Variants in CLGN observed in about 807,000 individuals in gnomAD.
CLGN encodes the protein calmegin, also known as testis tissue sperm-binding protein Li 79P.
A neutral mutation model predicts 79.1 loss-of-function variants in CLGN; 62 were observed. The observed-to-expected ratio is 0.78, with a 90% CI of 0.64 to 0.97. The LOEUF is 0.97. CLGN is among the 50% of genes least tolerant of loss of function. CLGN has a pLI of 0.00. For synonymous variants in CLGN, 225 were observed against 224.7 expected, an observed-to-expected ratio of 1.00 and a Z score of -0.01; for missense variants, 647 against 715.5, an observed-to-expected ratio of 0.90 and a Z score of 1.09.
intron 1 of CLGN, among the ~76,000 whole-genome samples, chr4:140,425,918 C>T (rs1018528095): frequency 1.3e-5 from 2 of 152,046 alleles, no homozygotes; most frequent in East Asian, 1.9e-4. Flanking sequence ...CGTGAGCCAC[C>T]GCGCCGGGCC....
intron 5 of CLGN, among the ~76,000 whole-genome samples, chr4:140,402,637 ACT>A: frequency 6.6e-6 from 1 of 152,122 alleles, no homozygotes; most frequent in Admixed American, 6.5e-5. Context: ...GGAAATTTTC[ACT>A]GTTTAGTATA....
chr4:140,394,040 C>A lies in CLGN; in HGVS notation c.1151G>T (p.Gly384Val). The change falls in exon 11 of 15, where the codon GGA becomes GTA. Residue 384 changes from glycine (G) to valine (V), a missense_variant and splice_region_variant. Physicochemically the swap from Gly to Val is moderately radical, Grantham distance 109 (BLOSUM62 -3). Transcript: ENST00000325617. ...PPLVDNPNYQ[G>V]IWSPRKIPNP... ...AGGAATTTTTCGAGGACTCCAGATT[C>A]CCTGGAAGAAAAGTAATTGAAGACA... 6.2e-7 allele frequency: 1 copy of A among 1,600,234 alleles called. No individual in the cohort carries two copies. Among genetic ancestry groups the A allele is most frequent in the South Asian group, 1.1e-5 (1 of 89,676 alleles).
intron 5 of CLGN, among the ~76,000 whole-genome samples, chr4:140,402,514 A>T (rs556164569): frequency 6.6e-6 from 1 of 152,264 alleles, no homozygotes; most frequent in South Asian, 2.1e-4. Context: ...CCTAGAGTTC[A>T]TTACACCTTA....
chr4:140,413,613 C>T lies in CLGN; in HGVS notation c.-9-526G>A, dbSNP rs549678937. Among the ~76,000 whole-genome samples, 159 of 152,308 alleles carry T rather than the reference C, an allele frequency of 1.0e-3. 2 individuals carry two copies. Among genetic ancestry groups the T allele is most frequent in the South Asian group, 1.9e-3 (9 of 4,826 alleles). ...GGGTGACGGACGGCACCTGGAAAATCGGGTCACTCCCACCGGAATACTGCG... is the reference window on the plus strand; with the variant it reads ...GGGTGACGGACGGCACCTGGAAAATTGGGTCACTCCCACCGGAATACTGCG... On this transcript the variant is annotated intron_variant, in intron 1 of 14. Transcript: ENST00000325617.
Position 140,415,236 on chromosome 4 carries a change from C to G in CLGN, c.-9-2149G>C, listed in dbSNP as rs569657533. 5.3e-5 allele frequency among the ~76,000 whole-genome samples: 8 copies of G among 152,312 alleles called. No homozygotes were observed. The South Asian group carries it at 1.7e-3, about 32-fold the overall frequency. On this transcript the variant is annotated intron_variant, in intron 1 of 14. Transcript: ENST00000325617. ...GGAAAGGAACAACAGGTACCAGCTG[C>G]TGCAAAATCATGCCAAAATGTAAAG...
At chr4:140,394,178 G>A (rs1728827331) in intron 10 of CLGN, 137 bp from the exon 11 acceptor site, 2 of 612,488 alleles carry the variant, frequency 3.3e-6, no homozygotes, top group East Asian at 5.6e-5. Context: ...TAATTCATTA[G>A]TAATATACTG....
chr4:140,404,093 T>A, intron 5 of CLGN, among the ~76,000 whole-genome samples: 1 of 151,882 alleles, frequency 6.6e-6, no homozygotes, highest in East Asian at 1.9e-4. Flanking sequence ...ATTTATTTAT[T>A]TATTTTTTTT....
intron 13 of CLGN, among the ~76,000 whole-genome samples, chr4:140,391,783 A>G (rs1728777570): frequency 6.6e-6 from 1 of 151,936 alleles, no homozygotes; most frequent in Admixed American, 6.6e-5. Context: ...TTTCTTCTAT[A>G]TGATAAGCAT....
intron 1 of CLGN, among the ~76,000 whole-genome samples, chr4:140,425,622 C>CTTTTTTTT (rs60198755): frequency 5.2e-4 from 51 of 97,166 alleles, no homozygotes; most frequent in East Asian, 8.9e-4. Flanking sequence ...TTTGTAATTC[C>CTTTTTTTT]TTTTTTTTTT....
chr4:140,420,282 T>C (rs1729438380), intron 1 of CLGN, among the ~76,000 whole-genome samples: 1 of 152,176 alleles, frequency 6.6e-6, no homozygotes, highest in South Asian at 2.1e-4. Flanking sequence ...TATTATAGTT[T>C]TTCCTGACTT....
At chr4:140,398,144 A>G (rs1292891504) in intron 8 of CLGN, among the ~76,000 whole-genome samples, 1 of 152,222 alleles carries the variant, frequency 6.6e-6, no homozygotes, top group Non-Finnish European at 1.5e-5. Context: ...CAGAGTAACC[A>G]AAAGTTAAAA....
chr4:140,398,939 CTTTGGGAGG>C lies in CLGN; in HGVS notation c.787_795del (p.Pro263_Lys265del). ...TTTTTATCATTGGGATCTTCAATTT[CTTTGGGAGG>C]TTTGATAGGAGGAACCACATCCTCT... On this transcript the variant is annotated inframe_deletion, in exon 8 of 15. Coordinates refer to ENST00000325617, the MANE Select transcript of CLGN (RefSeq NM_004362.3). The C allele has an allele frequency of 2.5e-6, 4 of 1,613,826 alleles. No homozygotes were observed. The highest frequency in any genetic ancestry group is 2.5e-6 in the Non-Finnish European group (3 of 1,179,852).
intron 1 of CLGN, among the ~76,000 whole-genome samples, chr4:140,419,060 G>A (rs1183709402): frequency 1.3e-5 from 2 of 152,080 alleles, no homozygotes; most frequent in Non-Finnish European, 2.9e-5. Flanking sequence ...GTAGGGACAT[G>A]GATGAAATTG....
Position 140,395,902 on chromosome 4 carries a change from C to T in CLGN, c.1066G>A (p.Gly356Ser). ...TCTATCATGGGAGGTTTCCACTCACCACACCCAATCCGACATGCTGGATTA... is the reference window on the plus strand; with the variant it reads ...TCTATCATGGGAGGTTTCCACTCACTACACCCAATCCGACATGCTGGATTA... ...ILNPACRIGC[G>S]EWKPPMIDNP... Residue 356 changes from glycine to serine, a missense_variant, in exon 10 of 15, where the codon GGT becomes AGT. Transcript: ENST00000325617. 1 of 1,605,602 alleles carries T rather than the reference C, an allele frequency of 6.2e-7. No individual in the cohort carries two copies. The highest frequency in any genetic ancestry group is 8.5e-7 in the Non-Finnish European group (1 of 1,177,010).
In CLGN at chr4:140,393,818, C is replaced by T. The variant is rs1168041056; in HGVS notation, c.1365+8G>A. On this transcript the variant is annotated splice_region_variant and intron_variant, in intron 11 of 14. Coordinates refer to ENST00000325617, the MANE Select transcript of CLGN (RefSeq NM_004362.3). The stretch of plus-strand genomic sequence containing the variant: ...TTATATCACTACTGCTATTGGTCAA[C>T]ACCATACCTTATTAGCATTTGCTAT... The T allele has an allele frequency of 6.2e-7, 1 of 1,612,284 alleles. No homozygotes were observed. Among genetic ancestry groups the T allele is most frequent in the South Asian group, 1.1e-5 (1 of 90,962 alleles).
chr4:140,390,714 G>A lies in CLGN; in HGVS notation c.1666C>T (p.Pro556Ser). 6.3e-7 allele frequency: 1 copy of A among 1,598,524 alleles called. No individual in the cohort carries two copies. Among genetic ancestry groups the A allele is most frequent in the South Asian group, 1.1e-5 (1 of 89,162 alleles). Residue 556 changes from proline (P) to serine (S), a missense_variant, in exon 14 of 15, where the codon CCT becomes TCT. Physicochemically the swap from Pro to Ser is moderately conservative, Grantham distance 74 (BLOSUM62 -1). Coordinates refer to ENST00000325617, the MANE Select transcript of CLGN (RefSeq NM_004362.3). ...ATTTCTTCTTCACTCTTTTCCTCAG[G>A]TTCACTTTCCTCTTCTAGAATACAG... ...EMLEKEEESE[P>S]EEKSEEEIEI...
chr4:140,395,988 A>G lies in CLGN; in HGVS notation c.999-19T>C. On this transcript the variant is annotated intron_variant, in intron 9 of 14. Coordinates refer to ENST00000325617, the MANE Select transcript of CLGN (RefSeq NM_004362.3). ...TTCATTCCTTAGGATATTAAAACAA[A>G]GCAAATACAGTAACCTCAAGTCTCA... 1 of 1,599,456 alleles carries G rather than the reference A, an allele frequency of 6.3e-7. No homozygotes were observed. Among genetic ancestry groups the G allele is most frequent in the Non-Finnish European group, 8.5e-7 (1 of 1,174,138 alleles).
intron 1 of CLGN, among the ~76,000 whole-genome samples, 157 bp from the exon 2 acceptor site, chr4:140,413,244 C>A (rs1327279436): frequency 6.6e-6 from 1 of 152,160 alleles, no homozygotes; most frequent in Admixed American, 6.5e-5. Flanking sequence ...GTGCTTTGAG[C>A]AAGTGAAAAT....
Position 140,399,023 on chromosome 4 carries a change from T to C in CLGN, c.712A>G (p.Thr238Ala), listed in dbSNP as rs749855543. The change falls in exon 8 of 15, where the codon ACA becomes GCA. Residue 238 changes from threonine (T) to alanine (A), a missense_variant. Physicochemically the swap from Thr to Ala is moderately conservative, Grantham distance 58. Coordinates refer to ENST00000325617, the MANE Select transcript of CLGN (RefSeq NM_004362.3). ...LYTLVMNPDDTFEVLVDQTVV... is the reference protein window; with the variant it reads ...LYTLVMNPDDAFEVLVDQTVV... ...GTTTGATCAACTAACACCTCAAATG[T>C]GTCATCTGGATTCATCACTAAGGGA... is the stretch of plus-strand genomic sequence containing the variant. 1.9e-6 allele frequency: 3 copies of C among 1,612,164 alleles called. No individual in the cohort carries two copies. The highest frequency in any genetic ancestry group is 2.5e-6 in the Non-Finnish European group (3 of 1,179,400).
Sources: gnomAD v4.1 joint callset for allele counts (sites outside exome capture counted in the v4.1 genomes callset) on GRCh38, gnomAD v4.1.1 for gene constraint, MANE v1.5 for transcripts, NCBI Gene and HGNC (gene_info 2026-07-23, HGNC 2026-07-21) for gene names.